The following SSH2 variants were observed in gnomAD, a reference collection of about 807,000 sequenced individuals.
SSH2 encodes slingshot protein phosphatase 2.
Under a neutral mutation model 135.2 loss-of-function variants are expected in SSH2, and 37 were observed. The ratio of observed to expected loss-of-function variants is 0.27; its 90% CI spans 0.21 to 0.36. The LOEUF is 0.36. SSH2 is among the 10% of genes least tolerant of loss of function. The pLI is 1.00. For missense variants in SSH2, 1,408 were observed against 1,765.3 expected (o/e 0.80, Z 3.63); for synonymous variants, 628 against 646.2 (o/e 0.97, Z 0.43).
chr17:29,804,392 T>C (rs2151317632), intron 2 of SSH2, among the ~76,000 whole-genome samples: 1 of 152,274 alleles, frequency 6.6e-6, no homozygotes, highest in South Asian at 2.1e-4. Flanking sequence ...TTGATTAGAA[T>C]TTTGCTGAAA....
chr17:29,853,861 C>A (rs2065612208), intron 1 of SSH2, among the ~76,000 whole-genome samples: 1 of 151,614 alleles, frequency 6.6e-6, no homozygotes, highest in South Asian at 2.1e-4. Context: ...AGATACTCAG[C>A]CGCTCTAGAG....
intron 3 of SSH2, among the ~76,000 whole-genome samples, chr17:29,734,477 A>G (rs2040302412): frequency 6.6e-6 from 1 of 152,206 alleles, no homozygotes; most frequent in South Asian, 2.1e-4. Flanking sequence ...ACAAACAGTT[A>G]AACAGCACAT....
intron 3 of SSH2, among the ~76,000 whole-genome samples, chr17:29,786,436 C>T (rs1172669160): frequency 6.6e-6 from 1 of 152,166 alleles, no homozygotes; most frequent in Non-Finnish European, 1.5e-5. Flanking sequence ...GTCCCTGTTC[C>T]CCCTTTGTTT....
chr17:29,687,050 G>A (rs142503323), intron 5 of SSH2, among the ~76,000 whole-genome samples: 52 of 152,274 alleles, frequency 3.4e-4, no homozygotes, highest in African/African-American at 1.2e-3. Flanking sequence ...CTATTCCTTA[G>A]AGAAACAGAA....
In SSH2 at chr17:29,632,825, A is replaced by T; in HGVS notation, c.2369T>A (p.Val790Asp). Residue 790 changes from valine to aspartate, a missense_variant, in exon 16 of 16, where the codon GTT becomes GAT. By Grantham distance (152) the Val-to-Asp change is radical. This residue lies in a region of SSH2 where 1,080 missense variants were observed against 1,144.5 expected (regional missense o/e 0.94). Transcript: ENST00000540801. ...GTCTCCTTTCAGTTGAATCTGCCCA[A>T]CTCCTTGACTGATGGACTCAATTTC... is the stretch of plus-strand genomic sequence containing the variant. ...VTEIESISQGVGQIQLKGDIL... is the reference protein window; with the variant it reads ...VTEIESISQGDGQIQLKGDIL... The T allele has an allele frequency of 1.2e-6, 2 of 1,613,414 alleles. No homozygotes were observed. Among genetic ancestry groups the T allele is most frequent in the Non-Finnish European group, 1.7e-6 (2 of 1,179,846 alleles).
At chr17:29,803,195 T>C (rs890916714) in intron 2 of SSH2, among the ~76,000 whole-genome samples, 3 of 152,246 alleles carry the variant, frequency 2.0e-5, no homozygotes, top group African/African-American at 4.8e-5. Context: ...TGCTTTATTA[T>C]ATTTTATGAT....
chr17:29,720,946 G>GT (rs2039802963), intron 3 of SSH2, among the ~76,000 whole-genome samples: 2 of 152,152 alleles, frequency 1.3e-5, no homozygotes, highest in African/African-American at 4.8e-5. Context: ...CTACAGAATT[G>GT]TAACACCATT....
At chr17:29,842,008 ACAGGTGTGCACCACTGTCCC>A (rs2151379680) in intron 2 of SSH2, among the ~76,000 whole-genome samples, 1 of 145,248 alleles carries the variant, frequency 6.9e-6, no homozygotes, top group African/African-American at 2.6e-5. Flanking sequence ...TGCTGGGATT[ACAGGTGTGCACCACTGTCCC>A]CAGCCCAAAC....
intron 11 of SSH2, among the ~76,000 whole-genome samples, chr17:29,659,412 T>C (rs1598739494): frequency 6.6e-6 from 1 of 152,238 alleles, no homozygotes; most frequent in East Asian, 1.9e-4. Flanking sequence ...GGTGTCTCAG[T>C]GTAGTTTCAA....
At chr17:29,756,256 T>G (rs1204746965) in intron 3 of SSH2, among the ~76,000 whole-genome samples, 2 of 145,600 alleles carry the variant, frequency 1.4e-5, no homozygotes, top group Admixed American at 1.4e-4. Context: ...AGAGCGAGAC[T>G]CTGTCTCAAA....
intron 3 of SSH2, among the ~76,000 whole-genome samples, chr17:29,743,132 A>G (rs987239879): frequency 2.0e-5 from 3 of 151,786 alleles, no homozygotes; most frequent in African/African-American, 7.3e-5. Context: ...AGGTTTTACT[A>G]TGTTGGCCAA....
At chr17:29,730,204 C>A (rs996095896) in intron 3 of SSH2, among the ~76,000 whole-genome samples, 1 of 151,458 alleles carries the variant, frequency 6.6e-6, no homozygotes, top group African/African-American at 2.4e-5. Flanking sequence ...TGCCTGTGGT[C>A]CCTGCTACTT....
chr17:29,645,728 A>G (rs971707436), intron 14 of SSH2: 2 of 152,190 alleles, frequency 1.3e-5, no homozygotes, highest in African/African-American at 4.8e-5. Flanking sequence ...TGCCATCAAA[A>G]TCTGGCCCCA....
chr17:29,696,267 T>TAC (rs957562211), intron 4 of SSH2, among the ~76,000 whole-genome samples: 2 of 149,512 alleles, frequency 1.3e-5, no homozygotes, highest in South Asian at 2.1e-4. Flanking sequence ...AATATATATA[T>TAC]ACACACACAC....
intron 3 of SSH2, among the ~76,000 whole-genome samples, chr17:29,789,212 G>T (rs2042023413): frequency 6.6e-6 from 1 of 152,168 alleles, no homozygotes; most frequent in South Asian, 2.1e-4. Context: ...GAAATGAATT[G>T]CAGAAGGAAT....
At chr17:29,904,555 G>T (rs2066619351) in intron 1 of SSH2, among the ~76,000 whole-genome samples, 1 of 152,068 alleles carries the variant, frequency 6.6e-6, no homozygotes, top group Non-Finnish European at 1.5e-5. Context: ...ATACTGAATG[G>T]GTAAAAGCTG....
chr17:29,916,946 C>G (rs1476875228), intron 1 of SSH2, among the ~76,000 whole-genome samples: 1 of 151,508 alleles, frequency 6.6e-6, no homozygotes, highest in Non-Finnish European at 1.5e-5. Context: ...CTCCAATCAG[C>G]AAGCTGCATG....
chr17:29,755,842 T>C (rs1290319108), intron 3 of SSH2, among the ~76,000 whole-genome samples: 1 of 150,906 alleles, frequency 6.6e-6, no homozygotes, highest in Non-Finnish European at 1.5e-5. Flanking sequence ...TTTGTGTTTT[T>C]AGTAGAGACG....
At chr17:29,685,613 CTG>C (rs1291360352) in intron 5 of SSH2, among the ~76,000 whole-genome samples, 1 of 151,946 alleles carries the variant, frequency 6.6e-6, no homozygotes. Flanking sequence ...TGGTGAAACA[CTG>C]TTTCTACCAA....
Sources: allele counts gnomAD v4.1 joint callset (sites outside exome capture counted in the v4.1 genomes callset), GRCh38; gene constraint gnomAD v4.1.1; regional missense constraint gnomAD v4.1.1; transcripts MANE v1.5; gene names NCBI Gene and HGNC (gene_info 2026-07-23, HGNC 2026-07-21).